Variants in MIPOL1 observed in about 807,000 individuals in gnomAD.
MIPOL1 encodes the protein mirror-image polydactyly gene 1 protein.
MIPOL1 carries 57 observed loss-of-function variants against 60.9 expected under a neutral mutation model. That is an observed-to-expected ratio of 0.94 (90% confidence interval 0.76 to 1.17). The LOEUF is 1.17. MIPOL1 is among the 50% of genes most tolerant of loss of function. The pLI, the probability that MIPOL1 is intolerant of heterozygous loss-of-function variation, is 0.00. For synonymous variants in MIPOL1, 179 were observed against 168.8 expected, an observed-to-expected ratio of 1.06 and a Z score of -0.47; for missense variants, 551 against 511.6, an observed-to-expected ratio of 1.08 and a Z score of -0.74.
chr14:37,380,050 A>G (rs1263359608), intron 10 of MIPOL1, among the ~76,000 whole-genome samples: 1 of 152,066 alleles, frequency 6.6e-6, no homozygotes, highest in Admixed American at 6.6e-5. Flanking sequence ...TGGGATACTG[A>G]AAGGGAAGGG....
At chr14:37,292,190 G>T (rs2085141025) in intron 7 of MIPOL1, among the ~76,000 whole-genome samples, 1 of 152,032 alleles carries the variant, frequency 6.6e-6, no homozygotes, top group Non-Finnish European at 1.5e-5. Context: ...TTCCCAAAGT[G>T]CTGGGATTAC....
At chr14:37,222,781 C>A (rs1049153243) in intron 1 of MIPOL1, among the ~76,000 whole-genome samples, 1 of 152,162 alleles carries the variant, frequency 6.6e-6, no homozygotes, top group Non-Finnish European at 1.5e-5. Flanking sequence ...CTAAGCTTTC[C>A]ATTTATGTCA....
Position 37,429,413 on chromosome 14 carries a change from G to T in MIPOL1, c.1031+6464G>T, listed in dbSNP as rs1290839240. Among the ~76,000 whole-genome samples, 22 of 152,022 alleles carry T rather than the reference G, an allele frequency of 1.4e-4. 1 individual carries two copies. Among genetic ancestry groups the T allele is most frequent in the Admixed American group, 1.4e-3 (22 of 15,270 alleles). On this transcript the variant is annotated intron_variant, in intron 11 of 12. Transcript: ENST00000684589. ...GTGTTTTAAATTTTTATTATATTTT[G>T]TGTGATTCCATGTGTGAATTTGTAA... is the stretch of plus-strand genomic sequence containing the variant.
intron 11 of MIPOL1, among the ~76,000 whole-genome samples, chr14:37,496,733 AATTT>A (rs2095136266): frequency 6.6e-6 from 1 of 152,076 alleles, no homozygotes; most frequent in South Asian, 2.1e-4. Flanking sequence ...TGCCCAAGGT[AATTT>A]ACAGATTCAA....
Position 37,267,036 on chromosome 14 carries a change from C to T in MIPOL1, c.118C>T (p.Arg40Trp), listed in dbSNP as rs747710203. Residue 40 changes from arginine (R) to tryptophan (W), a missense_variant, in exon 4 of 13, where the codon CGG (arginine) becomes TGG (tryptophan). Physicochemically the swap from Arg to Trp is moderately radical, Grantham distance 101 (BLOSUM62 -3). Coordinates refer to ENST00000684589, the MANE Select transcript of MIPOL1 (RefSeq NM_001388067.1). ...LTMNSEKSMH[R>W]KSTELVNEIT... Reference sequence around the variant, plus strand: ...TATGAATTCTGAGAAAAGTATGCATCGGAAATCCACTGAATTAGTTAATGA... The same window carrying T: ...TATGAATTCTGAGAAAAGTATGCATTGGAAATCCACTGAATTAGTTAATGA... 2.5e-5 allele frequency: 41 copies of T among 1,613,832 alleles called. No individual in the cohort carries two copies. Among genetic ancestry groups the T allele is most frequent in the South Asian group, 5.5e-5 (5 of 91,078 alleles).
chr14:37,409,564 A>C (rs1166594547), intron 10 of MIPOL1, among the ~76,000 whole-genome samples: 1 of 152,132 alleles, frequency 6.6e-6, no homozygotes, highest in African/African-American at 2.4e-5. Flanking sequence ...ACCGCTGGTG[A>C]ATCACGAGGT....
In MIPOL1 at chr14:37,296,724, G is replaced by C. The variant is rs981106269; in HGVS notation, c.623+11277G>C. On this transcript the variant is annotated intron_variant, in intron 7 of 12. Coordinates refer to ENST00000684589, the MANE Select transcript of MIPOL1 (RefSeq NM_001388067.1). ...ATCTAGAAGAAATGGATAAATTCCT[G>C]GACACATACACCCTCCCAAGACTAA... is the stretch of plus-strand genomic sequence containing the variant. 7.9e-5 allele frequency among the ~76,000 whole-genome samples: 12 copies of C among 152,138 alleles called. No individual in the cohort carries two copies. The South Asian group carries it at 1.0e-3, about 13-fold the overall frequency.
At chr14:37,481,359 A>G (rs560099138) in intron 11 of MIPOL1, among the ~76,000 whole-genome samples, 1 of 152,228 alleles carries the variant, frequency 6.6e-6, no homozygotes, top group South Asian at 2.1e-4. Context: ...CTAAAATGTC[A>G]ATGAAAGAGA....
chr14:37,304,646 T>C (rs1045079773), intron 7 of MIPOL1, among the ~76,000 whole-genome samples: 2 of 151,782 alleles, frequency 1.3e-5, no homozygotes, highest in African/African-American at 4.8e-5. Flanking sequence ...CATCTTAGGA[T>C]TGAACAAGGT....
intron 11 of MIPOL1, among the ~76,000 whole-genome samples, chr14:37,430,684 G>A (rs969413340): frequency 1.3e-5 from 2 of 152,004 alleles, no homozygotes; most frequent in Non-Finnish European, 2.9e-5. Flanking sequence ...ATGAAAATCA[G>A]TGAGATGATA....
intron 1 of MIPOL1, among the ~76,000 whole-genome samples, chr14:37,230,507 G>A (rs1970454581): frequency 6.6e-6 from 1 of 152,108 alleles, no homozygotes; most frequent in Non-Finnish European, 1.5e-5. Flanking sequence ...TAAAGGGACA[G>A]CGTGAATACT....
chr14:37,432,417 A>G (rs2153559819), intron 11 of MIPOL1, among the ~76,000 whole-genome samples: 1 of 152,352 alleles, frequency 6.6e-6, no homozygotes, highest in South Asian at 2.1e-4. Flanking sequence ...ATTCAGATGT[A>G]CAGTGTCTCC....
At chr14:37,334,927 T>C (rs1049362536) in intron 9 of MIPOL1, among the ~76,000 whole-genome samples, 1 of 152,126 alleles carries the variant, frequency 6.6e-6, no homozygotes, top group Non-Finnish European at 1.5e-5. Flanking sequence ...TATCAGCTGA[T>C]GAACATTTGC....
intron 10 of MIPOL1, among the ~76,000 whole-genome samples, chr14:37,410,682 G>A (rs1163575598): frequency 1.3e-5 from 2 of 152,072 alleles, no homozygotes; most frequent in African/African-American, 4.8e-5. Context: ...TTTAAAAATA[G>A]CAAATAAATT....
chr14:37,398,301 T>G (rs1172166809), intron 10 of MIPOL1, among the ~76,000 whole-genome samples: 1 of 152,204 alleles, frequency 6.6e-6, no homozygotes, highest in African/African-American at 2.4e-5. Flanking sequence ...ACTTCCGCAG[T>G]TGGGGCACTC....
intron 11 of MIPOL1, among the ~76,000 whole-genome samples, chr14:37,458,636 T>C (rs2094503564): frequency 6.6e-6 from 1 of 151,670 alleles, no homozygotes. Context: ...CTGGCAAACA[T>C]GGGGAAACCC....
At position 37,526,519 on chromosome 14, in the gene MIPOL1, G is replaced by A. The variant is rs192039203; in HGVS notation, c.1263-20386G>A. Among the ~76,000 whole-genome samples, 731 of 150,448 alleles carry A rather than the reference G, an allele frequency of 4.9e-3. 6 individuals carry two copies. Among genetic ancestry groups the A allele is most frequent in the Non-Finnish European group, 5.4e-3 (364 of 67,610 alleles). On this transcript the variant is annotated intron_variant, in intron 12 of 12. Coordinates refer to ENST00000684589, the MANE Select transcript of MIPOL1 (RefSeq NM_001388067.1). ...CAAGTAGCTGGGACTACAGGCGCCC[G>A]CCACCACACCTGGCTAATTTTTTGT...
chr14:37,357,043 A>C (rs538911229), intron 9 of MIPOL1, among the ~76,000 whole-genome samples: 1 of 152,162 alleles, frequency 6.6e-6, no homozygotes, highest in Admixed American at 6.5e-5. Flanking sequence ...AATATTGGCT[A>C]TTGTGAACAG....
At chr14:37,361,783 A>G (rs1481514200) in intron 9 of MIPOL1, among the ~76,000 whole-genome samples, 1 of 150,016 alleles carries the variant, frequency 6.7e-6, no homozygotes, top group Non-Finnish European at 1.5e-5. Context: ...AATTTTTTGT[A>G]TTTTTCGTAG....
Sources: gnomAD v4.1 joint callset for allele counts (sites outside exome capture counted in the v4.1 genomes callset) on GRCh38, gnomAD v4.1.1 for gene constraint, MANE v1.5 for transcripts, NCBI Gene and HGNC (gene_info 2026-07-23, HGNC 2026-07-21) for gene names.